PCDHGC4: variants seen among roughly 807,000 people sequenced by gnomAD.
The protein encoded by PCDHGC4 is protocadherin gamma subfamily C, 4.
PCDHGC4 carries 15 observed loss-of-function variants against 59.7 expected under a neutral mutation model. That is an observed-to-expected ratio of 0.25 (90% confidence interval 0.17 to 0.39). The LOEUF is 0.39. Ranked by LOEUF, PCDHGC4 falls within the 10% of genes least tolerant of loss-of-function variation. The pLI, the probability that PCDHGC4 is intolerant of heterozygous loss-of-function variation, is 1.00. For synonymous variants in PCDHGC4, 434 were observed against 481.4 expected, an observed-to-expected ratio of 0.90 and a Z score of 1.29; for missense variants, 1,016 against 1,189.5, an observed-to-expected ratio of 0.85 and a Z score of 2.15.
chr5:141,508,961 A>G (rs991011427), intron 3 of PCDHGC4, among the ~76,000 whole-genome samples: 2 of 151,978 alleles, frequency 1.3e-5, no homozygotes, highest in Non-Finnish European at 2.9e-5. Flanking sequence ...TGTCAGCGGA[A>G]TGAAAGGGCT....
intron 2 of PCDHGC4, among the ~76,000 whole-genome samples, chr5:141,502,537 G>A (rs900570745): frequency 2.0e-5 from 3 of 152,042 alleles, no homozygotes; most frequent in Admixed American, 6.6e-5. Context: ...GTTTGTTCGT[G>A]TGGTAAAAAC....
chr5:141,505,468 G>A lies in PCDHGC4; in HGVS notation c.2577G>A (p.Leu859=). 1 of 1,614,212 alleles carries A rather than the reference G, an allele frequency of 6.2e-7. No homozygotes were observed. Among genetic ancestry groups the A allele is most frequent in the Non-Finnish European group, 8.5e-7 (1 of 1,180,020 alleles). The change falls in exon 3 of 4, where the codon TTG becomes TTA. Residue 859 remains leucine (L), a synonymous_variant. Coordinates refer to ENST00000306593, the MANE Select transcript of PCDHGC4 (RefSeq NM_018928.3). The stretch of plus-strand genomic sequence containing the variant: ...CAGAGATGCTGCAAGCCATGATCTT[G>A]GCGTCCGCCAGTGGTAAGTGGTGTC... The part of the protein sequence containing the change: ...FDTEMLQAMI[L]ASASEAADGS...
At chr5:141,500,840 C>T (rs1394248251) in intron 2 of PCDHGC4, among the ~76,000 whole-genome samples, 1 of 151,966 alleles carries the variant, frequency 6.6e-6, no homozygotes, top group Non-Finnish European at 1.5e-5. Flanking sequence ...TGCTAATGGG[C>T]TTTTGCTACA....
Position 141,489,276 on chromosome 5 carries a change from AT to A in PCDHGC4, c.2442+1662del, listed in dbSNP as rs2099684949. 1.9e-6 allele frequency: 3 copies of A among 1,556,004 alleles called. No homozygotes were observed. Among genetic ancestry groups the A allele is most frequent in the Non-Finnish European group, 2.6e-6 (3 of 1,151,570 alleles). ...AGACACTCCCACAGCTCGCTGGGAA[AT>A]GGCAAGTGCTGTGCATGTTGTCCTT... On this transcript the variant is annotated intron_variant, in intron 1 of 3. Coordinates refer to ENST00000306593, the MANE Select transcript of PCDHGC4 (RefSeq NM_018928.3). This position sits in a 1 kb window ranked among gnomAD's most constrained non-coding sequence, Gnocchi z 4.5.
Position 141,509,375 on chromosome 5 carries a change from T to C in PCDHGC4, c.2591-1572T>C, listed in dbSNP as rs1450730489. Among the ~76,000 whole-genome samples, 6 of 152,168 alleles carry C rather than the reference T, an allele frequency of 3.9e-5. No homozygotes were observed. In the East Asian group the frequency reaches 1.2e-3, roughly 29 times the overall value. On this transcript the variant is annotated intron_variant, in intron 3 of 3. Coordinates refer to ENST00000306593, the MANE Select transcript of PCDHGC4 (RefSeq NM_018928.3). ...GGGCATCCCTGAGGTTTTAACTGTC[T>C]CCTAACCACAGAGGATCTCAGGGCC...
chr5:141,501,530 G>T (rs556760554), intron 2 of PCDHGC4, among the ~76,000 whole-genome samples: 1 of 151,998 alleles, frequency 6.6e-6, no homozygotes, highest in East Asian at 1.9e-4. Flanking sequence ...AGCCCAGTAC[G>T]TTGTTGTGCA....
At chr5:141,504,381 T>C (rs1039838477) in intron 2 of PCDHGC4, among the ~76,000 whole-genome samples, 4 of 152,130 alleles carry the variant, frequency 2.6e-5, no homozygotes, top group Non-Finnish European at 5.9e-5. Context: ...GTGGAGTCGC[T>C]GCCTCACAGA....
intron 2 of PCDHGC4, among the ~76,000 whole-genome samples, chr5:141,504,948 T>C (rs1044527570): frequency 2.0e-5 from 3 of 152,080 alleles, no homozygotes; most frequent in Admixed American, 1.3e-4. Flanking sequence ...GAATGCACTA[T>C]GTTCAATGCA....
chr5:141,489,546 C>T lies in PCDHGC4; in HGVS notation c.2442+1931C>T, dbSNP rs1404605129. ...GCCTATGTGGAGCCAGCACCAGCTGCCTGCTGCCAGTGCAGGTGGTGACTG... is the reference window on the plus strand; with the variant it reads ...GCCTATGTGGAGCCAGCACCAGCTGTCTGCTGCCAGTGCAGGTGGTGACTG... On this transcript the variant is annotated intron_variant, in intron 1 of 3. Coordinates refer to ENST00000306593, the MANE Select transcript of PCDHGC4 (RefSeq NM_018928.3). The surrounding 1 kb of genome is among the most constrained non-coding windows in gnomAD (Gnocchi z 4.5). 2 of 1,614,076 alleles carry T rather than the reference C, an allele frequency of 1.2e-6. No homozygotes were observed. The highest frequency in any genetic ancestry group is 2.2e-5 in the East Asian group (1 of 44,868).
Position 141,490,157 on chromosome 5 carries a change from G to T in PCDHGC4, c.2442+2542G>T. 1 of 1,614,210 alleles carries T rather than the reference G, an allele frequency of 6.2e-7. No homozygotes were observed. The highest frequency in any genetic ancestry group is 8.5e-7 in the Non-Finnish European group (1 of 1,180,038). On this transcript the variant is annotated intron_variant, in intron 1 of 3. Transcript: ENST00000306593. This position sits in a 1 kb window ranked among gnomAD's most constrained non-coding sequence, Gnocchi z 5.4. ...AGCAGTGGGGCAATCCATGTGTTGGGTCCCATAGACTTTGAGGAGTCACGT... is the reference window on the plus strand; with the variant it reads ...AGCAGTGGGGCAATCCATGTGTTGGTTCCCATAGACTTTGAGGAGTCACGT...
chr5:141,509,207 A>C (rs1263006059), intron 3 of PCDHGC4, among the ~76,000 whole-genome samples: 2 of 151,694 alleles, frequency 1.3e-5, no homozygotes, highest in Non-Finnish European at 2.9e-5. Context: ...CTGTCTCTCT[A>C]TTTCTCAATC....
In PCDHGC4 at chr5:141,485,051, CCGAACCGCG is replaced by C. The variant is rs2099605816; in HGVS notation, c.-121_-113del. On this transcript the variant is annotated 5_prime_UTR_variant, in exon 1 of 4. Coordinates refer to ENST00000306593, the MANE Select transcript of PCDHGC4 (RefSeq NM_018928.3). This position sits in a 1 kb window ranked among gnomAD's most constrained non-coding sequence, Gnocchi z 5.7. ...CGGCGCGTAACCCTTGCGGCGCCGG[CCGAACCGCG>C]CCAGAGCTGGCGCGGGGAAAGGGAG... 1.2e-6 allele frequency: 1 copy of C among 801,304 alleles called. No individual in the cohort carries two copies. Among genetic ancestry groups the C allele is most frequent in the East Asian group, 2.5e-5 (1 of 40,224 alleles). 49.6% of individuals were successfully genotyped at this position (801,304 alleles called of 1,614,324 possible). A position where few individuals can be genotyped will look rare whatever the true frequency, so the allele number is the denominator to read the frequency against.
At position 141,486,579 on chromosome 5, in the gene PCDHGC4, G is replaced by A. The variant is rs747583158; in HGVS notation, c.1406G>A (p.Arg469His). Residue 469 changes from arginine (R) to histidine (H), a missense_variant, in exon 1 of 4, where the codon CGC becomes CAC. By Grantham distance (29) the Arg-to-His change is conservative. Coordinates refer to ENST00000306593, the MANE Select transcript of PCDHGC4 (RefSeq NM_018928.3). The surrounding 1 kb of genome is among the most constrained non-coding windows in gnomAD (Gnocchi z 5.0). ...GAGGTGTTTGTTCCTGAGAACAATC[G>A]CCCAGGGGACCTGCTTTGCTCCCTT... is the stretch of plus-strand genomic sequence containing the variant. ...SHEVFVPENN[R>H]PGDLLCSLAA... The A allele has an allele frequency of 5.1e-5, 82 of 1,613,426 alleles. No homozygotes were observed. Among genetic ancestry groups the A allele is most frequent in the South Asian group, 2.2e-4 (20 of 91,084 alleles).
chr5:141,501,300 C>T (rs867143352), intron 2 of PCDHGC4, among the ~76,000 whole-genome samples: 2,626 of 150,646 alleles, frequency 0.017, 74 homozygotes, highest in African/African-American at 0.06. Context: ...TACACACACA[C>T]ACACACACAC....
Position 141,486,587 on chromosome 5 carries a change from G to C in PCDHGC4, c.1414G>C (p.Asp472His). 6.2e-7 allele frequency: 1 copy of C among 1,613,596 alleles called. No individual in the cohort carries two copies. The highest frequency in any genetic ancestry group is 8.5e-7 in the Non-Finnish European group (1 of 1,180,006). Residue 472 changes from aspartate to histidine, a missense_variant, in exon 1 of 4, where the codon GAC becomes CAC. Asp to His is a moderately conservative substitution (Grantham distance 81). Transcript: ENST00000306593. The surrounding 1 kb of genome is among the most constrained non-coding windows in gnomAD (Gnocchi z 5.0). ...VFVPENNRPGDLLCSLAASDP... is the reference protein window; with the variant it reads ...VFVPENNRPGHLLCSLAASDP... ...TGTTCCTGAGAACAATCGCCCAGGG[G>C]ACCTGCTTTGCTCCCTTGCAGCCTC...
Position 141,490,122 on chromosome 5 carries a change from C to T in PCDHGC4, c.2442+2507C>T. 3 of 1,614,260 alleles carry T rather than the reference C, an allele frequency of 1.9e-6. No homozygotes were observed. The highest frequency in any genetic ancestry group is 2.5e-6 in the Non-Finnish European group (3 of 1,180,046). On this transcript the variant is annotated intron_variant, in intron 1 of 3. Coordinates refer to ENST00000306593, the MANE Select transcript of PCDHGC4 (RefSeq NM_018928.3). The surrounding 1 kb of genome is among the most constrained non-coding windows in gnomAD (Gnocchi z 5.4). ...CTGAGGCAGTGCGGAACCTCTTTGG[C>T]CTAGACCCTAGCAGTGGGGCAATCC... is the stretch of plus-strand genomic sequence containing the variant.
Position 141,490,198 on chromosome 5 carries a change from G to A in PCDHGC4, c.2442+2583G>A. ...GGAGTCACGTTTCTATGAAATTCAT[G>A]CAAGAGCCCGTGACCAGGGACAGCC... On this transcript the variant is annotated intron_variant, in intron 1 of 3. Coordinates refer to ENST00000306593, the MANE Select transcript of PCDHGC4 (RefSeq NM_018928.3). The surrounding 1 kb of genome is among the most constrained non-coding windows in gnomAD (Gnocchi z 5.4). The A allele has an allele frequency of 6.2e-7, 1 of 1,614,208 alleles. No homozygotes were observed. Among genetic ancestry groups the A allele is most frequent in the Non-Finnish European group, 8.5e-7 (1 of 1,180,038 alleles).
chr5:141,507,632 G>A (rs551849213), intron 3 of PCDHGC4, among the ~76,000 whole-genome samples: 6 of 152,360 alleles, frequency 3.9e-5, no homozygotes, highest in Non-Finnish European at 7.3e-5. Flanking sequence ...GTGGCCTTGC[G>A]CCCTGAGGCC....
rs367744321 is a variant in PCDHGC4, at chr5:141,489,394, C to G, written c.2442+1779C>G. The G allele has an allele frequency of 3.7e-6, 6 of 1,614,008 alleles. No individual in the cohort carries two copies. In the African/African-American group the frequency reaches 6.7e-5, roughly 18 times the overall value. On this transcript the variant is annotated intron_variant, in intron 1 of 3. Transcript: ENST00000306593. The surrounding 1 kb of genome is among the most constrained non-coding windows in gnomAD (Gnocchi z 4.5). ...GCTGGTGGGGAATGTTGCTCAGGATCTGGGCTTAAAGATGACAGATCTGTT... is the reference window on the plus strand; with the variant it reads ...GCTGGTGGGGAATGTTGCTCAGGATGTGGGCTTAAAGATGACAGATCTGTT...
Sources: allele counts gnomAD v4.1 joint callset (sites outside exome capture counted in the v4.1 genomes callset), GRCh38; gene constraint gnomAD v4.1.1; non-coding constraint Gnocchi (gnomAD v3.1); transcripts MANE v1.5; gene names NCBI Gene and HGNC (gene_info 2026-07-23, HGNC 2026-07-21).